Variants in SLC4A10 observed in about 807,000 individuals in gnomAD.
SLC4A10 encodes the protein sodium-driven chloride bicarbonate exchanger.
Under a neutral mutation model 137.7 loss-of-function variants are expected in SLC4A10, and 42 were observed. That is an observed-to-expected ratio of 0.30 (90% CI 0.24 to 0.39). SLC4A10 has a LOEUF of 0.39. Among genes scored for constraint, SLC4A10 ranks in the 10% least tolerant of loss-of-function variants. The pLI, the probability that SLC4A10 is intolerant of heterozygous loss-of-function variation, is 1.00. For missense variants in SLC4A10, 925 were observed against 1,355.0 expected (o/e 0.68, Z 4.98); for synonymous variants, 474 against 464.1 (o/e 1.02, Z -0.27).
At chr2:161,939,599 T>C (rs1254583266) in intron 15 of SLC4A10, among the ~76,000 whole-genome samples, 3 of 152,128 alleles carry the variant, frequency 2.0e-5, no homozygotes, top group Non-Finnish European at 2.9e-5. Context: ...TTCTCACCTT[T>C]CCTCCCAACT....
intron 1 of SLC4A10, chr2:161,710,661 C>T (rs962071979): frequency 2.2e-5 from 10 of 453,948 alleles, no homozygotes; most frequent in Non-Finnish European, 4.4e-5. Flanking sequence ...TGTAAACTTG[C>T]CCAGTAATGA....
intron 2 of SLC4A10, among the ~76,000 whole-genome samples, chr2:161,789,273 T>C (rs2053960782): frequency 6.6e-6 from 1 of 152,150 alleles, no homozygotes. Context: ...AGTCAGCAGT[T>C]AGTCACAGGA....
intron 1 of SLC4A10, among the ~76,000 whole-genome samples, chr2:161,727,324 C>A (rs951609435): frequency 2.0e-5 from 3 of 152,164 alleles, no homozygotes; most frequent in Admixed American, 2.0e-4. Flanking sequence ...ACAACTAAAC[C>A]AAATACTTTA....
At chr2:161,640,120 A>G (rs2035064294) in intron 1 of SLC4A10, among the ~76,000 whole-genome samples, 3 of 152,056 alleles carry the variant, frequency 2.0e-5, no homozygotes, top group Admixed American at 2.0e-4. Flanking sequence ...TCAATTATTT[A>G]TTTATTTCAG....
rs1699039309 is a variant in SLC4A10 at position 161,974,315 on chromosome 2, A to G, written c.3226A>G (p.Arg1076Gly). 1 of 1,601,192 alleles carries G rather than the reference A, an allele frequency of 6.2e-7. No individual in the cohort carries two copies. The highest frequency in any genetic ancestry group is 8.5e-7 in the Non-Finnish European group (1 of 1,174,110). The change falls in exon 24 of 27, where the codon AGA becomes GGA. Residue 1076 changes from arginine (R) to glycine (G), a missense_variant and splice_region_variant. Arg to Gly is a moderately radical substitution (Grantham distance 125). Transcript: ENST00000446997. Reference sequence around the variant, plus strand: ...ACAACTCCCATTGGAAGGGCACTATAGGTAAGACATAAATTTAAAAACACA... The same window carrying G: ...ACAACTCCCATTGGAAGGGCACTATGGGTAAGACATAAATTTAAAAACACA... Reference protein sequence around the residue: ...TVQLPLEGHYRDDPSVINISD... With the variant: ...TVQLPLEGHYGDDPSVINISD...
At chr2:161,723,324 G>C (rs1457413991) in intron 1 of SLC4A10, among the ~76,000 whole-genome samples, 1 of 152,098 alleles carries the variant, frequency 6.6e-6, no homozygotes, top group Non-Finnish European at 1.5e-5. Context: ...TCATGGGTTG[G>C]CTGTCACTCT....
At chr2:161,675,219 C>T (rs1335209885) in intron 1 of SLC4A10, among the ~76,000 whole-genome samples, 1 of 152,098 alleles carries the variant, frequency 6.6e-6, no homozygotes, top group African/African-American at 2.4e-5. Flanking sequence ...TAATTGTGCC[C>T]CTGAGGCCTT....
At chr2:161,644,706 C>T (rs1177675499) in intron 1 of SLC4A10, among the ~76,000 whole-genome samples, 1 of 152,148 alleles carries the variant, frequency 6.6e-6, no homozygotes, top group African/African-American at 2.4e-5. Context: ...CTTATTTAAA[C>T]TAAGACATTA....
chr2:161,818,848 A>C (rs1175574078), intron 3 of SLC4A10, among the ~76,000 whole-genome samples: 1 of 152,136 alleles, frequency 6.6e-6, no homozygotes, highest in Non-Finnish European at 1.5e-5. Flanking sequence ...ATGGTGGATA[A>C]GTTTTTGATG....
At chr2:161,695,413 A>G (rs185230484) in intron 1 of SLC4A10, among the ~76,000 whole-genome samples, 101 of 152,092 alleles carry the variant, frequency 6.6e-4, no homozygotes, top group African/African-American at 2.4e-3. Flanking sequence ...CATTTTATTG[A>G]ATTTTTGCAT....
At chr2:161,683,706 G>C (rs2041103083) in intron 1 of SLC4A10, among the ~76,000 whole-genome samples, 1 of 152,106 alleles carries the variant, frequency 6.6e-6, no homozygotes, top group East Asian at 1.9e-4. Flanking sequence ...TGAAAGAGGA[G>C]TAATATTTGA....
At position 161,872,362 on chromosome 2, in the gene SLC4A10, A is replaced by T; in HGVS notation, c.836A>T (p.Asn279Ile). ...AATAAAAATGATGTTAGCAGAGAAAACAGCACTGTTGACTTTAGCAAGGTG... is the reference window on the plus strand; with the variant it reads ...AATAAAAATGATGTTAGCAGAGAAATCAGCACTGTTGACTTTAGCAAGGTG... ...VENKNDVSRE[N>I]STVDFSKGLG... The change falls in exon 7 of 27, where the codon AAC (asparagine) becomes ATC (isoleucine). Residue 279 changes from asparagine (N) to isoleucine (I), a missense_variant. Around this residue, in one of 11 missense-constraint regions of SLC4A10, gnomAD observed 277 missense variants for 306.1 expected, o/e 0.90. Transcript: ENST00000446997. 2 of 1,613,598 alleles carry T rather than the reference A, an allele frequency of 1.2e-6. No individual in the cohort carries two copies. Among genetic ancestry groups the T allele is most frequent in the Non-Finnish European group, 1.7e-6 (2 of 1,179,692 alleles).
intron 21 of SLC4A10, among the ~76,000 whole-genome samples, chr2:161,958,762 T>C (rs1212727671): frequency 6.6e-6 from 1 of 152,204 alleles, no homozygotes; most frequent in Non-Finnish European, 1.5e-5. Context: ...CTTTTCTTTA[T>C]CATAAGTATA....
At chr2:161,864,602 C>T (rs1272698235) in intron 6 of SLC4A10, among the ~76,000 whole-genome samples, 1 of 151,990 alleles carries the variant, frequency 6.6e-6, no homozygotes, top group Non-Finnish European at 1.5e-5. Flanking sequence ...TTGTTACATA[C>T]AAGAGTCTAT....
At chr2:161,882,538 G>T in intron 10 of SLC4A10, 94 bp downstream of exon 10, 1 of 694,796 alleles carries the variant, frequency 1.4e-6, no homozygotes, top group South Asian at 2.9e-5. Context: ...TTGTGAATCA[G>T]ATTTCTCTGT....
chr2:161,769,916 CCCAATGTCTGATGCT>C (rs143662540), intron 1 of SLC4A10, among the ~76,000 whole-genome samples: 6,670 of 151,714 alleles, frequency 0.044, 237 homozygotes, highest in South Asian at 0.071. Context: ...AAGGCAGGTC[CCCAATGTCTGATGCT>C]CCAATGTAGT....
chr2:161,776,633 T>C (rs573729231), intron 2 of SLC4A10, among the ~76,000 whole-genome samples: 2 of 152,032 alleles, frequency 1.3e-5, no homozygotes, highest in South Asian at 4.1e-4. Flanking sequence ...TTCACTATTG[T>C]GAATAGTGTG....
At chr2:161,703,524 C>A (rs774073125) in intron 1 of SLC4A10, among the ~76,000 whole-genome samples, 1 of 151,304 alleles carries the variant, frequency 6.6e-6, no homozygotes, top group Non-Finnish European at 1.5e-5. Context: ...CTTTTTTGAT[C>A]TTTATGTTTT....
Position 161,835,216 on chromosome 2 carries a change from T to C in SLC4A10, c.278-4573T>C, listed in dbSNP as rs371317988. On this transcript the variant is annotated intron_variant, in intron 3 of 26. Coordinates refer to ENST00000446997, the MANE Select transcript of SLC4A10 (RefSeq NM_001178015.2). The stretch of plus-strand genomic sequence containing the variant: ...CCATGCCCAGCTAATTTTTTGTATT[T>C]TTAGTAGAGATGGGATTTCACCATG... Among the ~76,000 whole-genome samples, 20 of 152,136 alleles carry C rather than the reference T, an allele frequency of 1.3e-4. No individual in the cohort carries two copies. The South Asian group carries it at 4.0e-3, about 30-fold the overall frequency.
Sources: gnomAD v4.1 joint callset for allele counts (sites outside exome capture counted in the v4.1 genomes callset) on GRCh38, gnomAD v4.1.1 for gene constraint, gnomAD v4.1.1 regional missense constraint, MANE v1.5 for transcripts, NCBI Gene and HGNC (gene_info 2026-07-23, HGNC 2026-07-21) for gene names.